MAST4: variants seen among roughly 807,000 people sequenced by gnomAD.
The protein encoded by MAST4 is microtubule-associated serine/threonine-protein kinase 4.
Under a neutral mutation model 162.7 loss-of-function variants are expected in MAST4, and 89 were observed. The observed-to-expected ratio is 0.55, with a 90% CI of 0.46 to 0.65. The LOEUF (loss-of-function observed/expected upper bound fraction) is 0.65. MAST4 is among the 30% of genes least tolerant of loss of function. The pLI, the probability that MAST4 is intolerant of heterozygous loss-of-function variation, is 0.00. For synonymous variants in MAST4, 1,479 were observed against 1,361.1 expected (o/e 1.09, Z -1.91); for missense variants, 3,153 against 3,374.0 (o/e 0.93, Z 1.62).
At chr5:66,803,882 T>C (rs1756043477) in intron 3 of MAST4, among the ~76,000 whole-genome samples, 1 of 152,120 alleles carries the variant, frequency 6.6e-6, no homozygotes, top group Non-Finnish European at 1.5e-5. Context: ...CATCCTTGTC[T>C]TAATCATAAA....
chr5:66,596,924 G>T lies in MAST4; in HGVS notation c.269G>T (p.Arg90Leu), dbSNP rs1245456864. ...GCTCCGGCAAGCGTGCTGCTGGAGCGCGGAGTCCTTGCGCTGCCGCCGCCG... is the reference window on the plus strand; with the variant it reads ...GCTCCGGCAAGCGTGCTGCTGGAGCTCGGAGTCCTTGCGCTGCCGCCGCCG... ...AWAPASVLLERGVLALPPPLP... is the reference protein window; with the variant it reads ...AWAPASVLLELGVLALPPPLP... The change falls in exon 1 of 29, where the codon CGC becomes CTC. Residue 90 changes from arginine to leucine, a missense_variant. By Grantham distance (102) the Arg-to-Leu change is moderately radical (BLOSUM62 -2). Coordinates refer to ENST00000403625, the MANE Select transcript of MAST4 (RefSeq NM_001164664.2). 1.5e-6 allele frequency: 2 copies of T among 1,330,966 alleles called. No homozygotes were observed. Among genetic ancestry groups the T allele is most frequent in the Admixed American group, 3.7e-5 (1 of 26,752 alleles). The allele number at this position is 1,330,966 out of a possible 1,614,324, so 82.4% of individuals were successfully genotyped here. A position where few individuals can be genotyped will look rare whatever the true frequency, so the allele number is the denominator to read the frequency against.
intron 1 of MAST4, among the ~76,000 whole-genome samples, chr5:66,655,096 A>G (rs1372360939): frequency 6.6e-6 from 1 of 152,202 alleles, no homozygotes; most frequent in Non-Finnish European, 1.5e-5. Flanking sequence ...CACAGCAGCA[A>G]CATTGTGAAG....
chr5:66,875,929 C>G (rs1160065612), intron 3 of MAST4, among the ~76,000 whole-genome samples: 3 of 152,060 alleles, frequency 2.0e-5, no homozygotes, highest in Non-Finnish European at 2.9e-5. Context: ...ACCCAGCTCA[C>G]GTTTTTATTT....
chr5:66,900,063 G>GAAT, intron 4 of MAST4, 81 bp downstream of exon 4: 1 of 950,130 alleles, frequency 1.1e-6, no homozygotes, highest in Non-Finnish European at 1.5e-6. Flanking sequence ...ATTCATTAGT[G>GAAT]GCAATTATAA....
intron 1 of MAST4, among the ~76,000 whole-genome samples, chr5:66,646,920 T>A (rs1029020818): frequency 2.0e-5 from 3 of 152,206 alleles, no homozygotes; most frequent in African/African-American, 7.2e-5. Context: ...ATTGAAAATT[T>A]AAATGACTTA....
intron 3 of MAST4, among the ~76,000 whole-genome samples, chr5:66,790,883 T>G (rs1755366480): frequency 1.7e-5 from 2 of 120,532 alleles, no homozygotes; most frequent in Admixed American, 1.6e-4. Context: ...CATGATTTTT[T>G]TTTGACAGAA....
intron 4 of MAST4, among the ~76,000 whole-genome samples, chr5:66,941,281 C>T (rs551321773): frequency 7.9e-5 from 12 of 152,256 alleles, no homozygotes; most frequent in African/African-American, 2.4e-4. Context: ...GACTTCTCCT[C>T]GCTAGCTATG....
At chr5:66,907,825 T>G (rs1763487340) in intron 4 of MAST4, among the ~76,000 whole-genome samples, 1 of 152,178 alleles carries the variant, frequency 6.6e-6, no homozygotes, top group Non-Finnish European at 1.5e-5. Context: ...AGGCAATGTT[T>G]CCTGAAAGAG....
intron 4 of MAST4, among the ~76,000 whole-genome samples, chr5:67,017,222 A>G (rs1039138917): frequency 6.6e-6 from 1 of 152,256 alleles, no homozygotes; most frequent in East Asian, 1.9e-4. Flanking sequence ...TAAACCACAC[A>G]CACACAGAAA....
intron 2 of MAST4, among the ~76,000 whole-genome samples, chr5:66,779,147 G>A (rs1322080764): frequency 1.3e-5 from 2 of 152,172 alleles, no homozygotes; most frequent in African/African-American, 4.8e-5. Context: ...CATCTCTGGT[G>A]GATTTAAGTC....
chr5:66,616,738 T>C (rs571102313), intron 1 of MAST4, among the ~76,000 whole-genome samples: 2 of 152,332 alleles, frequency 1.3e-5, no homozygotes, highest in African/African-American at 4.8e-5. Context: ...CACTGCACAG[T>C]CTATCTTCTG....
At chr5:66,969,066 A>C (rs1353085182) in intron 4 of MAST4, among the ~76,000 whole-genome samples, 1 of 152,218 alleles carries the variant, frequency 6.6e-6, no homozygotes, top group African/African-American at 2.4e-5. Flanking sequence ...TAAATTATTT[A>C]GTTGTCATTA....
intron 10 of MAST4, among the ~76,000 whole-genome samples, chr5:67,109,082 A>G (rs372016654): frequency 6.6e-6 from 1 of 152,176 alleles, no homozygotes; most frequent in East Asian, 1.9e-4. Context: ...GAAAATTTAA[A>G]TGACTATTAA....
chr5:66,678,788 G>A lies in MAST4; in HGVS notation c.364-80921G>A, dbSNP rs543644756. Among the ~76,000 whole-genome samples the A allele has an allele frequency of 1.2e-4, 12 of 100,662 alleles. No individual in the cohort carries two copies. In the South Asian group the frequency reaches 3.1e-3, roughly 26 times the overall value. The allele number at this position is 100,662 out of a possible 152,430, so 66.0% of individuals were successfully genotyped here. A position where few individuals can be genotyped will look rare whatever the true frequency, so the allele number is the denominator to read the frequency against. On this transcript the variant is annotated intron_variant, in intron 1 of 28. Transcript: ENST00000403625. ...ATTACAGGTGTGAACCACCATGCCC[G>A]GCCCCCAATTTTTTTTTTTTTGAGA...
At chr5:66,720,700 A>G (rs1425602038) in intron 1 of MAST4, among the ~76,000 whole-genome samples, 2 of 152,118 alleles carry the variant, frequency 1.3e-5, no homozygotes, top group Non-Finnish European at 2.9e-5. Context: ...TTCTGCTTTT[A>G]TCTTTTTAAT....
At chr5:66,853,633 C>T (rs964525643) in intron 3 of MAST4, among the ~76,000 whole-genome samples, 15 of 152,274 alleles carry the variant, frequency 9.9e-5, no homozygotes, top group Non-Finnish European at 2.2e-4. Context: ...AGAATGTAGA[C>T]TTCAAAATAG....
intron 3 of MAST4, among the ~76,000 whole-genome samples, chr5:66,897,489 C>T (rs999318784): frequency 2.0e-5 from 3 of 152,248 alleles, no homozygotes; most frequent in Non-Finnish European, 4.4e-5. Context: ...GCTTAGCCCT[C>T]CTGGTATTTG....
At chr5:66,987,483 A>T (rs1749650556) in intron 4 of MAST4, among the ~76,000 whole-genome samples, 1 of 151,864 alleles carries the variant, frequency 6.6e-6, no homozygotes, top group South Asian at 2.1e-4. Flanking sequence ...CTGCAGGTTC[A>T]GAGAAACTTC....
intron 23 of MAST4, among the ~76,000 whole-genome samples, chr5:67,148,380 G>C (rs1771360874): frequency 6.6e-6 from 1 of 152,224 alleles, no homozygotes; most frequent in South Asian, 2.1e-4. Context: ...GAAAAAGTAG[G>C]ACAAATCAAA....
Sources: gnomAD v4.1 joint callset for allele counts (sites outside exome capture counted in the v4.1 genomes callset) on GRCh38, gnomAD v4.1.1 for gene constraint, MANE v1.5 for transcripts, NCBI Gene and HGNC (gene_info 2026-07-23, HGNC 2026-07-21) for gene names.